PRR11: variants seen among roughly 807,000 people sequenced by gnomAD.
The protein encoded by PRR11 is proline rich 11.
PRR11 carries 30 observed loss-of-function variants against 45.6 expected under a neutral mutation model. That is an observed-to-expected ratio of 0.66 (90% CI 0.49 to 0.89). PRR11 has a LOEUF of 0.89. PRR11 is among the 40% of genes least tolerant of loss of function. The pLI, the probability that PRR11 is intolerant of heterozygous loss-of-function variation, is 0.00. For missense variants in PRR11, 373 were observed against 424.8 expected (o/e 0.88, Z 1.07); for synonymous variants, 128 against 153.5 (o/e 0.83, Z 1.23).
chr17:59,160,254 A>G (rs2046644821), intron 1 of PRR11, among the ~76,000 whole-genome samples: 1 of 152,154 alleles, frequency 6.6e-6, no homozygotes, highest in Non-Finnish European at 1.5e-5. Flanking sequence ...AAGGCTAAGA[A>G]TCTCTTGAAG....
intron 2 of PRR11, among the ~76,000 whole-genome samples, chr17:59,171,844 G>T (rs958736161): frequency 6.6e-6 from 1 of 151,950 alleles, no homozygotes; most frequent in African/African-American, 2.4e-5. Context: ...AAGTATCATA[G>T]ATAAAAAGTG....
chr17:59,206,679 T>C lies in PRR11; in HGVS notation c.*5048T>C, dbSNP rs1052236128. Among the ~76,000 whole-genome samples, 2 of 152,048 alleles carry C rather than the reference T, an allele frequency of 1.3e-5. No homozygotes were observed. Among genetic ancestry groups the C allele is most frequent in the Non-Finnish European group, 2.9e-5 (2 of 68,006 alleles). ...ATCTGGTTATGTTTTAAAATAAAGA[T>C]TAATAAAAGTTTTGGTTTTTCTCTT... On this transcript the variant is annotated 3_prime_UTR_variant, in exon 10 of 10. Coordinates refer to ENST00000262293, the MANE Select transcript of PRR11 (RefSeq NM_018304.4).
chr17:59,176,093 T>A (rs1299291649), intron 2 of PRR11, among the ~76,000 whole-genome samples: 1 of 152,158 alleles, frequency 6.6e-6, no homozygotes, highest in Admixed American at 6.6e-5. Context: ...TCACAGAGGC[T>A]ATGGGGTGAA....
At chr17:59,186,381 A>AT (rs59082405) in intron 4 of PRR11, among the ~76,000 whole-genome samples, 8,541 of 83,964 alleles carry the variant, frequency 0.1, 1,134 homozygotes, top group Non-Finnish European at 0.13. Flanking sequence ...GCTGTTTGTA[A>AT]TTTTTTTTTT....
At chr17:59,198,121 T>G (rs770474573) in intron 9 of PRR11, among the ~76,000 whole-genome samples, 2 of 152,040 alleles carry the variant, frequency 1.3e-5, no homozygotes, top group Non-Finnish European at 2.9e-5. Flanking sequence ...CTCAAATAAA[T>G]AATCATAATC....
chr17:59,199,422 T>C (rs1289943485), intron 9 of PRR11, among the ~76,000 whole-genome samples: 1 of 152,152 alleles, frequency 6.6e-6, no homozygotes, highest in Non-Finnish European at 1.5e-5. Flanking sequence ...GAGATGTAGT[T>C]AGGAGTCAGA....
intron 1 of PRR11, among the ~76,000 whole-genome samples, chr17:59,160,486 G>C (rs1429939920): frequency 6.6e-6 from 1 of 152,052 alleles, no homozygotes; most frequent in Non-Finnish European, 1.5e-5. Flanking sequence ...TGCCAGTCTG[G>C]TCTCGAACTT....
At chr17:59,188,127 C>T (rs991067326) in intron 4 of PRR11, among the ~76,000 whole-genome samples, 2 of 151,990 alleles carry the variant, frequency 1.3e-5, no homozygotes, top group African/African-American at 2.4e-5. Context: ...ACAGTGTGTC[C>T]GGCTAAAAGT....
chr17:59,162,791 C>T (rs2046660242), intron 1 of PRR11, among the ~76,000 whole-genome samples: 1 of 145,162 alleles, frequency 6.9e-6, no homozygotes, highest in African/African-American at 2.6e-5. Context: ...TGCAATGGCA[C>T]GATCTCGGCT....
chr17:59,184,865 T>G lies in PRR11; in HGVS notation c.129-189T>G, dbSNP rs569253790. Among the ~76,000 whole-genome samples, 3 of 144,938 alleles carry G rather than the reference T, an allele frequency of 2.1e-5. No homozygotes were observed. In the East Asian group the frequency reaches 6.0e-4, roughly 29 times the overall value. On this transcript the variant is annotated intron_variant, in intron 2 of 9. Transcript: ENST00000262293. The stretch of plus-strand genomic sequence containing the variant: ...GCCTGATTAAGTTTTTTTTTTTTTT[T>G]TTTTTTTTTTTGGCAGGGACAGGGT...
At chr17:59,200,319 G>T (rs2046886184) in intron 9 of PRR11, among the ~76,000 whole-genome samples, 1 of 152,168 alleles carries the variant, frequency 6.6e-6, no homozygotes, top group Non-Finnish European at 1.5e-5. Context: ...ACATGGCAGA[G>T]TGTAGTGGCT....
chr17:59,175,210 A>G (rs1490886090), intron 2 of PRR11: 29 of 453,164 alleles, frequency 6.4e-5, no homozygotes, highest in Middle Eastern at 8.7e-4. Flanking sequence ...AGAGGAGGGC[A>G]GGGGACGATC....
chr17:59,178,473 C>T, intron 2 of PRR11: 1 of 519,204 alleles, frequency 1.9e-6, no homozygotes, highest in Non-Finnish European at 3.8e-6. Flanking sequence ...ACAAACTTAC[C>T]TTGTCTGACA....
At chr17:59,179,308 G>T (rs1157179210) in intron 2 of PRR11, among the ~76,000 whole-genome samples, 1 of 152,064 alleles carries the variant, frequency 6.6e-6, no homozygotes, top group Non-Finnish European at 1.5e-5. Context: ...GTTTTGCTCT[G>T]TCACCCCGGC....
chr17:59,187,699 T>TTG (rs1381257922), intron 4 of PRR11, among the ~76,000 whole-genome samples: 1 of 151,492 alleles, frequency 6.6e-6, no homozygotes, highest in Non-Finnish European at 1.5e-5. Context: ...ACCCTGTCTC[T>TTG]ACTAAAAATA....
At chr17:59,169,645 G>T (rs1328853886) in intron 1 of PRR11, 103 bp from the exon 2 acceptor site, 1 of 1,085,118 alleles carries the variant, frequency 9.2e-7, no homozygotes, top group South Asian at 1.9e-5. Flanking sequence ...GGTTTCAAGG[G>T]TGTGTTCATG....
chr17:59,177,315 G>A, intron 2 of PRR11: 1 of 541,724 alleles, frequency 1.8e-6, no homozygotes, highest in Non-Finnish European at 3.7e-6. Flanking sequence ...GAAGATCGTG[G>A]AGACAGTGGA....
chr17:59,193,647 T>TCCTCCTCCACCTCCACCTCTGCCA lies in PRR11; in HGVS notation c.570_593dup (p.Pro192_Pro199dup), dbSNP rs2147854065. ...CACAGCCAGCCAGCCATTTTCCTCC[T>TCCTCCTCCACCTCCACCTCTGCCA]CCTCCTCCACCTCCACCTCTGCCAC... On this transcript the variant is annotated inframe_insertion, in exon 5 of 10. Coordinates refer to ENST00000262293, the MANE Select transcript of PRR11 (RefSeq NM_018304.4). 6.2e-7 allele frequency: 1 copy of TCCTCCTCCACCTCCACCTCTGCCA among 1,614,016 alleles called. No individual in the cohort carries two copies.
intron 2 of PRR11, among the ~76,000 whole-genome samples, chr17:59,181,224 G>A (rs866527687): frequency 3.3e-5 from 5 of 151,316 alleles, no homozygotes; most frequent in African/African-American, 9.8e-5. Flanking sequence ...TCCTGACCTC[G>A]TAATCCGCCC....
Sources: gnomAD v4.1 joint callset for allele counts (sites outside exome capture counted in the v4.1 genomes callset) on GRCh38, gnomAD v4.1.1 for gene constraint, MANE v1.5 for transcripts, NCBI Gene and HGNC (gene_info 2026-07-23, HGNC 2026-07-21) for gene names.